Variants in PYHIN1 observed in about 807,000 individuals in gnomAD.
PYHIN1 encodes pyrin and HIN domain-containing protein 1.
PYHIN1 carries 32 observed loss-of-function variants against 43.7 expected under a neutral mutation model. The observed-to-expected ratio is 0.73, with a 90% CI of 0.55 to 0.98. The LOEUF is 0.98. Among genes scored for constraint, PYHIN1 ranks in the 50% least tolerant of loss-of-function variants. The probability of loss-of-function intolerance (pLI) is 0.00; values close to 1 mark genes in which losing one functional copy is unlikely to be tolerated. For missense variants in PYHIN1, 588 were observed against 589.5 expected (o/e 1.00, Z 0.03); for synonymous variants, 205 against 203.1 (o/e 1.01, Z -0.08).
At chr1:158,939,539 C>T (rs1444942622) in intron 4 of PYHIN1, 8 of 1,546,412 alleles carry the variant, frequency 5.2e-6, no homozygotes, top group African/African-American at 1.4e-5. Flanking sequence ...ATCTATTATA[C>T]ACCCATTCCC....
intron 7 of PYHIN1, among the ~76,000 whole-genome samples, chr1:158,948,580 G>A (rs979121423): frequency 6.6e-6 from 1 of 152,160 alleles, no homozygotes; most frequent in African/African-American, 2.4e-5. Context: ...TCTATACCTT[G>A]CTGTAAGAGA....
chr1:158,938,659 A>G, intron 3 of PYHIN1, 117 bp downstream of exon 3: 1 of 1,037,158 alleles, frequency 9.6e-7, no homozygotes, highest in Non-Finnish European at 1.3e-6. Context: ...ATCAAGTTTC[A>G]GATTTATCAA....
At chr1:158,965,822 A>G (rs1183346754) in intron 7 of PYHIN1, among the ~76,000 whole-genome samples, 2 of 152,142 alleles carry the variant, frequency 1.3e-5, no homozygotes, top group African/African-American at 4.8e-5. Flanking sequence ...CATCACAACT[A>G]GAAGAACTAG....
chr1:158,939,250 A>G lies in PYHIN1; in HGVS notation c.579+3A>G. On this transcript the variant is annotated splice_donor_region_variant and intron_variant, in intron 4 of 8. Coordinates refer to ENST00000368140, the MANE Select transcript of PYHIN1 (RefSeq NM_152501.5). ...CACCCAACACTTCCTCAACTGAGGT[A>G]CACTCTTCCTGGTCCCCTTTTGATT... 1 of 1,594,264 alleles carries G rather than the reference A, an allele frequency of 6.3e-7. No individual in the cohort carries two copies. The highest frequency in any genetic ancestry group is 8.5e-7 in the Non-Finnish European group (1 of 1,170,108).
intron 4 of PYHIN1, 110 bp from the exon 5 acceptor site, chr1:158,941,857 CCAGCTCTACA>C (rs1648934142): frequency 3.5e-6 from 3 of 861,310 alleles, no homozygotes; most frequent in Non-Finnish European, 5.2e-6. Context: ...TATCCTGGCC[CCAGCTCTACA>C]CATCTACAAC....
At chr1:158,937,248 T>A in intron 2 of PYHIN1, 73 bp downstream of exon 2, 1 of 1,467,028 alleles carries the variant, frequency 6.8e-7, no homozygotes, top group Non-Finnish European at 9.1e-7. Context: ...GAACGCCACC[T>A]TGGTCGTAGC....
chr1:158,939,276 C>A, intron 4 of PYHIN1, 29 bp downstream of exon 4: 2 of 1,581,580 alleles, frequency 1.3e-6, no homozygotes, highest in Non-Finnish European at 8.6e-7. Context: ...CCTTTTGATT[C>A]ATTTTCTTCA....
At chr1:158,951,089 T>C (rs1171497275) in intron 7 of PYHIN1, among the ~76,000 whole-genome samples, 1 of 152,178 alleles carries the variant, frequency 6.6e-6, no homozygotes, top group Non-Finnish European at 1.5e-5. Context: ...GGTTAACACC[T>C]GTTGAAGGAG....
Position 158,976,261 on chromosome 1 carries a change from G to T in PYHIN1, c.*6-440G>T, listed in dbSNP as rs147617917. On this transcript the variant is annotated intron_variant, in intron 8 of 8. Transcript: ENST00000368140. ...CTAACACATTCAGACACACAAAAATGCAAAGGCTTTCTGATTGCTCCAGTT... is the reference window on the plus strand; with the variant it reads ...CTAACACATTCAGACACACAAAAATTCAAAGGCTTTCTGATTGCTCCAGTT... Among the ~76,000 whole-genome samples, 303 of 152,198 alleles carry T rather than the reference G, an allele frequency of 2.0e-3. 1 individual carries two copies. Among genetic ancestry groups the T allele is most frequent in the Admixed American group, 3.6e-3 (55 of 15,278 alleles).
the PYHIN1 span, among the ~76,000 whole-genome samples, chr1:158,984,028 G>GTTTTTTTTTTTTTTTTT: frequency 1.8e-5 from 2 of 111,208 alleles, no homozygotes; most frequent in African/African-American, 7.1e-5. Context: ...ATCTTCTCCT[G>GTTTTTTTTTTTTTTTTT]TTTTTTTTTT....
chr1:158,969,241 G>T (rs1201512012), intron 7 of PYHIN1, among the ~76,000 whole-genome samples: 1 of 151,890 alleles, frequency 6.6e-6, no homozygotes, highest in Non-Finnish European at 1.5e-5. Flanking sequence ...CCATAATTCA[G>T]GTTCTGCAAG....
chr1:158,937,899 C>G (rs562933610), intron 2 of PYHIN1, among the ~76,000 whole-genome samples: 2 of 150,964 alleles, frequency 1.3e-5, no homozygotes, highest in Non-Finnish European at 3.0e-5. Context: ...GAGCCGAGAT[C>G]GCGCCACTGC....
At chr1:158,957,590 C>T (rs368892518) in intron 7 of PYHIN1, among the ~76,000 whole-genome samples, 1 of 148,294 alleles carries the variant, frequency 6.7e-6, no homozygotes, top group Non-Finnish European at 1.5e-5. Context: ...CTTACACCTT[C>T]TACAAAAATC....
Position 158,937,061 on chromosome 1 carries a change from T to C in PYHIN1, c.151T>C (p.Leu51=), listed in dbSNP as rs1210984306. The change falls in exon 2 of 9, where the codon TTG becomes CTG. Residue 51 remains leucine, a synonymous_variant. Coordinates refer to ENST00000368140, the MANE Select transcript of PYHIN1 (RefSeq NM_152501.5). The part of the protein sequence containing the change: ...EEYDKIQIAD[L]MEEKFPGDAG... Reference sequence around the variant, plus strand: ...GTATGACAAAATTCAGATTGCTGACTTGATGGAGGAAAAGTTCCCAGGTGA... The same window carrying C: ...GTATGACAAAATTCAGATTGCTGACCTGATGGAGGAAAAGTTCCCAGGTGA... 2 of 1,614,044 alleles carry C rather than the reference T, an allele frequency of 1.2e-6. No homozygotes were observed. Among genetic ancestry groups the C allele is most frequent in the East Asian group, 4.5e-5 (2 of 44,894 alleles).
chr1:158,937,893 C>A (rs992804831), intron 2 of PYHIN1, among the ~76,000 whole-genome samples: 1 of 150,090 alleles, frequency 6.7e-6, no homozygotes, highest in African/African-American at 2.4e-5. Context: ...GGCAGTGAGC[C>A]GAGATCGCGC....
At chr1:158,985,163 AATATTG>A in the PYHIN1 span, among the ~76,000 whole-genome samples, 116 of 152,238 alleles carry the variant, frequency 7.6e-4, no homozygotes, top group African/African-American at 2.8e-3. Flanking sequence ...GTTCAAGGTT[AATATTG>A]ATATGTAAGG....
chr1:158,939,933 A>G (rs1014350497), intron 4 of PYHIN1: 14 of 167,810 alleles, frequency 8.3e-5, no homozygotes, highest in Non-Finnish European at 1.4e-4. Flanking sequence ...ACCTTTGCTC[A>G]ACGAAAAAAT....
At position 158,936,762 on chromosome 1, in the gene PYHIN1, A is replaced by G. The variant is rs1480088335; in HGVS notation, c.-20-129A>G. ...ATCATACTGAATGGAGAAAAACTGGAAGAATTCCCTTTGAAAACTGGCACA... is the reference window on the plus strand; with the variant it reads ...ATCATACTGAATGGAGAAAAACTGGGAGAATTCCCTTTGAAAACTGGCACA... On this transcript the variant is annotated intron_variant, in intron 1 of 8. Transcript: ENST00000368140. 8 of 521,694 alleles carry G rather than the reference A, an allele frequency of 1.5e-5. No homozygotes were observed. In the Admixed American group the frequency reaches 1.6e-4, roughly 11 times the overall value. 32.3% of individuals were successfully genotyped at this position (521,694 alleles called of 1,614,324 possible). A position where few individuals can be genotyped will look rare whatever the true frequency, so the allele number is the denominator to read the frequency against.
At position 158,944,575 on chromosome 1, in the gene PYHIN1, A is replaced by C. The variant is rs144525050; in HGVS notation, c.1192-300A>C. ...ATATGTGGAAAGGTATGAGAAATTC[A>C]TGCAAGACAGGTAACAAGCAGCCCT... is the stretch of plus-strand genomic sequence containing the variant. On this transcript the variant is annotated intron_variant, in intron 6 of 8. Coordinates refer to ENST00000368140, the MANE Select transcript of PYHIN1 (RefSeq NM_152501.5). 2.7e-3 allele frequency among the ~76,000 whole-genome samples: 414 copies of C among 152,350 alleles called. 1 individual carries two copies. The highest frequency in any genetic ancestry group is 8.0e-3 in the African/African-American group (333 of 41,600).
Sources: allele counts gnomAD v4.1 joint callset (sites outside exome capture counted in the v4.1 genomes callset), GRCh38; gene constraint gnomAD v4.1.1; transcripts MANE v1.5; gene names NCBI Gene and HGNC (gene_info 2026-07-23, HGNC 2026-07-21).